Variants in TBCEL observed in about 807,000 individuals in gnomAD.
The protein encoded by TBCEL is tubulin-specific chaperone cofactor E-like protein.
TBCEL carries 15 observed loss-of-function variants against 44.2 expected under a neutral mutation model. The observed-to-expected ratio is 0.34, with a 90% CI of 0.23 to 0.52. TBCEL has a LOEUF of 0.52. Among genes scored for constraint, TBCEL ranks in the 20% least tolerant of loss-of-function variants. TBCEL has a pLI of 0.95. For synonymous variants in TBCEL, 171 were observed against 185.4 expected, an observed-to-expected ratio of 0.92 and a Z score of 0.63; for missense variants, 319 against 506.3, an observed-to-expected ratio of 0.63 and a Z score of 3.55.
intron 8 of TBCEL, among the ~76,000 whole-genome samples, chr11:121,082,347 T>C (rs1946140836): frequency 1.3e-5 from 2 of 152,324 alleles, no homozygotes; most frequent in Middle Eastern, 3.4e-3. Flanking sequence ...TTCTTTCTTA[T>C]ACTTTTCATG....
Position 121,048,880 on chromosome 11 carries a change from C to G in TBCEL, c.273+1213C>G, listed in dbSNP as rs536212334. Among the ~76,000 whole-genome samples, 14 of 151,990 alleles carry G rather than the reference C, an allele frequency of 9.2e-5. 1 individual carries two copies. The South Asian group carries it at 1.7e-3, about 18-fold the overall frequency. The stretch of plus-strand genomic sequence containing the variant: ...ACTGCTCTCTTTCTTTTCTTGTCTA[C>G]CTGGCCACTTCCTATTTATCCTTCA... On this transcript the variant is annotated intron_variant, in intron 4 of 8. Transcript: ENST00000683345.
chr11:121,080,283 C>G (rs541246204), intron 8 of TBCEL, among the ~76,000 whole-genome samples: 27 of 152,266 alleles, frequency 1.8e-4, no homozygotes, highest in Admixed American at 1.3e-3. Context: ...TCGGTTGATT[C>G]AATGTGTGTC....
rs796533283 is a variant in TBCEL at position 121,045,906 on chromosome 11, A to G, written c.133+83A>G. 3.7e-6 allele frequency: 5 copies of G among 1,346,962 alleles called. No homozygotes were observed. The African/African-American group carries it at 7.4e-5, about 20-fold the overall frequency. 83.4% of individuals were successfully genotyped at this position (1,346,962 alleles called of 1,614,324 possible). On this transcript the variant is annotated intron_variant, in intron 3 of 8. Transcript: ENST00000683345. ...CACAGTGTTGCCTTGTTTGCAAATG[A>G]TTTATTTTATTTTTAATTACAGTCA...
intron 6 of TBCEL, among the ~76,000 whole-genome samples, chr11:121,057,047 G>T (rs1945634736): frequency 6.6e-6 from 1 of 151,746 alleles, no homozygotes; most frequent in South Asian, 2.1e-4. Context: ...TACCATAGAG[G>T]TTTTAAAAGT....
In TBCEL at chr11:121,087,193, T is replaced by C; in HGVS notation, c.*97T>C. The C allele has an allele frequency of 7.9e-7, 1 of 1,266,200 alleles. No homozygotes were observed. Among genetic ancestry groups the C allele is most frequent in the Non-Finnish European group, 1.1e-6 (1 of 927,182 alleles). The allele number at this position is 1,266,200 out of a possible 1,614,324, so 78.4% of individuals were successfully genotyped here. ...TTTAGGAGGGAGAGGTTGTTTTTGT[T>C]TTGTTTTGTTCTGTTTAGGTTTGGG... On this transcript the variant is annotated 3_prime_UTR_variant, in exon 9 of 9. Coordinates refer to ENST00000683345, the MANE Select transcript of TBCEL (RefSeq NM_001363644.2).
chr11:121,060,320 A>G (rs1441754446), intron 8 of TBCEL, among the ~76,000 whole-genome samples: 2 of 151,972 alleles, frequency 1.3e-5, no homozygotes. Context: ...TTGGGTAAGT[A>G]TTTGACAATT....
chr11:121,024,297 T>G lies in TBCEL; in HGVS notation c.-126+6T>G, dbSNP rs1945003599. ...CCCGCCTCCCGGGCTGAGGGGTGAG[T>G]GGAGCCGGGCCCGCTGGCTCTGCCG... is the stretch of plus-strand genomic sequence containing the variant. On this transcript the variant is annotated splice_donor_region_variant and intron_variant, in intron 1 of 8. Coordinates refer to ENST00000683345, the MANE Select transcript of TBCEL (RefSeq NM_001363644.2). 1 of 152,062 alleles carries G rather than the reference T, an allele frequency of 6.6e-6. No individual in the cohort carries two copies. The highest frequency in any genetic ancestry group is 1.5e-5 in the Non-Finnish European group (1 of 68,078). The allele number at this position is 152,062 out of a possible 1,614,324, so 9.4% of individuals were successfully genotyped here. A position where few individuals can be genotyped will look rare whatever the true frequency, so the allele number is the denominator to read the frequency against.
intron 8 of TBCEL, among the ~76,000 whole-genome samples, chr11:121,060,839 G>A (rs1945709395): frequency 6.6e-6 from 1 of 151,876 alleles, no homozygotes; most frequent in South Asian, 2.1e-4. Flanking sequence ...TTGACTGGAG[G>A]AGTTTTAGAC....
rs1945414561 is a variant in TBCEL at position 121,045,546 on chromosome 11, A to G, written c.-17-128A>G. 24 of 678,032 alleles carry G rather than the reference A, an allele frequency of 3.5e-5. No homozygotes were observed. The East Asian group carries it at 6.6e-4, about 19-fold the overall frequency. The allele number at this position is 678,032 out of a possible 1,614,324, so 42.0% of individuals were successfully genotyped here. A position where few individuals can be genotyped will look rare whatever the true frequency, so the allele number is the denominator to read the frequency against. On this transcript the variant is annotated intron_variant, in intron 2 of 8. Coordinates refer to ENST00000683345, the MANE Select transcript of TBCEL (RefSeq NM_001363644.2). ...CACCACAGTATATGTTTCTGGGGTCAGTAACTAAGTATCATATGTCTTGCA... is the reference window on the plus strand; with the variant it reads ...CACCACAGTATATGTTTCTGGGGTCGGTAACTAAGTATCATATGTCTTGCA...
intron 8 of TBCEL, among the ~76,000 whole-genome samples, chr11:121,078,669 G>C (rs139139512): frequency 6.6e-6 from 1 of 152,180 alleles, no homozygotes; most frequent in Non-Finnish European, 1.5e-5. Flanking sequence ...TTCAAGCAGG[G>C]AACCTGTCTG....
chr11:121,081,442 T>C (rs1182199395), intron 8 of TBCEL, among the ~76,000 whole-genome samples: 1 of 152,226 alleles, frequency 6.6e-6, no homozygotes, highest in East Asian at 1.9e-4. Context: ...TTATGAATAT[T>C]AAATACTTGT....
chr11:121,035,823 T>G (rs1945221810), intron 1 of TBCEL: 1 of 152,218 alleles, frequency 6.6e-6, no homozygotes, highest in African/African-American at 2.4e-5. Context: ...ATGGAAAAAT[T>G]GGGAATAATT....
intron 1 of TBCEL, among the ~76,000 whole-genome samples, chr11:121,028,222 TA>T (rs139867923): frequency 0.17 from 25,535 of 148,114 alleles, 2,258 homozygotes; most frequent in East Asian, 0.32. Flanking sequence ...AATAAATAAA[TA>T]AAATAAAATA....
chr11:121,072,787 T>TC (rs1565504760), intron 8 of TBCEL, among the ~76,000 whole-genome samples: 1 of 152,146 alleles, frequency 6.6e-6, no homozygotes, highest in Admixed American at 6.6e-5. Flanking sequence ...AAACCTGTTT[T>TC]CCCCCAAAGT....
At chr11:121,081,723 A>G (rs1946128419) in intron 8 of TBCEL, among the ~76,000 whole-genome samples, 2 of 152,220 alleles carry the variant, frequency 1.3e-5, no homozygotes, top group Admixed American at 6.5e-5. Flanking sequence ...ATGATTTCTT[A>G]TATTTACTAA....
intron 4 of TBCEL, among the ~76,000 whole-genome samples, chr11:121,048,287 ACTTTT>A (rs1945469429): frequency 6.6e-6 from 1 of 151,890 alleles, no homozygotes; most frequent in Non-Finnish European, 1.5e-5. Context: ...ATATTTTACA[ACTTTT>A]CTTATATTAT....
At chr11:121,035,112 A>G (rs1945207987) in intron 1 of TBCEL, 2 of 152,212 alleles carry the variant, frequency 1.3e-5, no homozygotes, top group African/African-American at 4.8e-5. Flanking sequence ...CATGTTCACT[A>G]AGTGATGATG....
intron 1 of TBCEL, among the ~76,000 whole-genome samples, chr11:121,028,325 A>T (rs1169231880): frequency 6.6e-6 from 1 of 152,242 alleles, no homozygotes; most frequent in African/African-American, 2.4e-5. Flanking sequence ...AGCTGTCTGG[A>T]TGATTCTTCC....
intron 8 of TBCEL, among the ~76,000 whole-genome samples, chr11:121,071,320 C>T (rs1458016509): frequency 6.6e-6 from 1 of 152,132 alleles, no homozygotes; most frequent in East Asian, 1.9e-4. Context: ...TAGAAGTCAG[C>T]ATATCATGTA....
Sources: allele counts gnomAD v4.1 joint callset (sites outside exome capture counted in the v4.1 genomes callset), GRCh38; gene constraint gnomAD v4.1.1; transcripts MANE v1.5; gene names NCBI Gene and HGNC (gene_info 2026-07-23, HGNC 2026-07-21).